C4BPB: variants seen among roughly 807,000 people sequenced by gnomAD.
C4BPB encodes C4b-binding protein beta chain.
Under a neutral mutation model 26.6 loss-of-function variants are expected in C4BPB, and 19 were observed. The ratio of observed to expected loss-of-function variants is 0.71; its 90% CI spans 0.50 to 1.05. C4BPB has a LOEUF of 1.05. Among genes scored for constraint, C4BPB ranks in the 50% least tolerant of loss-of-function variants. The pLI, the probability that C4BPB is intolerant of heterozygous loss-of-function variation, is 0.00. For synonymous variants in C4BPB, 118 were observed against 103.5 expected, an observed-to-expected ratio of 1.14 and a Z score of -0.85; for missense variants, 282 against 302.9, an observed-to-expected ratio of 0.93 and a Z score of 0.51.
intron 4 of C4BPB, among the ~76,000 whole-genome samples, chr1:207,092,283 T>C (rs148731147): frequency 7.2e-5 from 11 of 152,336 alleles, no homozygotes; most frequent in African/African-American, 2.6e-4. Context: ...CTTTTTCTTA[T>C]GTTTATACAG....
intron 6 of C4BPB, 47 bp downstream of exon 6, chr1:207,098,311 G>C (rs1558080409): frequency 8.5e-7 from 1 of 1,174,246 alleles, no homozygotes; most frequent in Admixed American, 1.7e-5. Context: ...GGATCTCCAG[G>C]GCCTGGCATC....
At chr1:207,090,955 A>G (rs1684001764) in intron 3 of C4BPB, among the ~76,000 whole-genome samples, 1 of 152,154 alleles carries the variant, frequency 6.6e-6, no homozygotes, top group South Asian at 2.1e-4. Context: ...TATTTCACCT[A>G]TCATATAACT....
At chr1:207,098,818 T>A (rs540031005) in intron 6 of C4BPB, among the ~76,000 whole-genome samples, 1 of 152,290 alleles carries the variant, frequency 6.6e-6, no homozygotes, top group Admixed American at 6.5e-5. Context: ...TAGATTCTCA[T>A]CTGGGAGTGT....
chr1:207,099,784 T>C lies in C4BPB; in HGVS notation c.619-5T>C, dbSNP rs754993390. The C allele has an allele frequency of 6.2e-7, 1 of 1,607,990 alleles. No homozygotes were observed. Among genetic ancestry groups the C allele is most frequent in the South Asian group, 1.1e-5 (1 of 89,722 alleles). Reference sequence around the variant, plus strand: ...TGTAACTTGTGAAAAATTTTCTTTCTTCAGCTTGCCTTTCAGGAGAGTAAG... The same window carrying C: ...TGTAACTTGTGAAAAATTTTCTTTCCTCAGCTTGCCTTTCAGGAGAGTAAG... On this transcript the variant is annotated splice_polypyrimidine_tract_variant and splice_region_variant and intron_variant, in intron 6 of 6. Coordinates refer to ENST00000367078, the MANE Select transcript of C4BPB (RefSeq NM_001017365.3).
Position 207,099,945 on chromosome 1 carries a change from G to A in C4BPB, c.*16G>A. 2 of 1,592,312 alleles carry A rather than the reference G, an allele frequency of 1.3e-6. No individual in the cohort carries two copies. Among genetic ancestry groups the A allele is most frequent in the Non-Finnish European group, 1.7e-6 (2 of 1,172,086 alleles). On this transcript the variant is annotated 3_prime_UTR_variant, in exon 7 of 7. Transcript: ENST00000367078. ...ATTGTTGTAACACTACAGCTGAGCAGATGTAATAGAAATAAACCTATGAAT... is the reference window on the plus strand; with the variant it reads ...ATTGTTGTAACACTACAGCTGAGCAAATGTAATAGAAATAAACCTATGAAT...
Position 207,089,568 on chromosome 1 carries a change from T to C in C4BPB, c.37T>C (p.Trp13Arg). 2 of 1,614,150 alleles carry C rather than the reference T, an allele frequency of 1.2e-6. No homozygotes were observed. Among genetic ancestry groups the C allele is most frequent in the East Asian group, 2.2e-5 (1 of 44,884 alleles). ...GTGTGCGTGCTGTCTTATGGTTGCG[T>C]GGCGAGTTTCTGCTTCAGATGGTAC... ...FWCACCLMVA[W>R]RVSASDAEHC... Residue 13 changes from tryptophan to arginine, a missense_variant, in exon 2 of 7, where the codon TGG (tryptophan) becomes CGG (arginine). Transcript: ENST00000367078.
In C4BPB at chr1:207,096,567, G is replaced by A. The variant is rs867609036; in HGVS notation, c.455G>A (p.Gly152Glu). Residue 152 changes from glycine (G) to glutamate (E), a missense_variant, in exon 5 of 7, where the codon GGA (glycine) becomes GAA (glutamate). Coordinates refer to ENST00000367078, the MANE Select transcript of C4BPB (RefSeq NM_001017365.3). ...AATCCAGTTCATGGCTATTTTGAAG[G>A]AAATAACTTCACCTTAGGATCCACC... ...PGNPVHGYFE[G>E]NNFTLGSTIS... is the part of the protein sequence containing the mutation. The A allele has an allele frequency of 1.2e-6, 2 of 1,610,352 alleles. No homozygotes were observed. The highest frequency in any genetic ancestry group is 1.7e-6 in the Non-Finnish European group (2 of 1,177,146).
chr1:207,097,917 C>G lies in C4BPB; in HGVS notation c.504-233C>G, dbSNP rs2102315794. ...ACACCTGATTCAGAATTTCTCACTTCTCTATGTTTTATGGGTTGACTCATC... is the reference window on the plus strand; with the variant it reads ...ACACCTGATTCAGAATTTCTCACTTGTCTATGTTTTATGGGTTGACTCATC... On this transcript the variant is annotated intron_variant, in intron 5 of 6. Coordinates refer to ENST00000367078, the MANE Select transcript of C4BPB (RefSeq NM_001017365.3). The G allele has an allele frequency of 9.9e-6, 4 of 404,912 alleles. No individual in the cohort carries two copies. In the East Asian group the frequency reaches 1.8e-4, roughly 18 times the overall value. The allele number at this position is 404,912 out of a possible 1,614,324, so 25.1% of individuals were successfully genotyped here.
intron 4 of C4BPB, 172 bp downstream of exon 4, chr1:207,091,992 A>T: frequency 1.7e-6 from 1 of 578,780 alleles, no homozygotes; most frequent in Non-Finnish European, 3.0e-6. Flanking sequence ...TCTCACCTCA[A>T]GAGAATACAT....
intron 4 of C4BPB, among the ~76,000 whole-genome samples, chr1:207,094,165 A>C (rs1462062444): frequency 1.3e-5 from 2 of 152,184 alleles, no homozygotes; most frequent in African/African-American, 4.8e-5. Context: ...ATTTGGATGT[A>C]TTTTGGCAGT....
At position 207,091,721 on chromosome 1, in the gene C4BPB, A is replaced by G; in HGVS notation, c.310A>G (p.Thr104Ala). 1 of 1,613,998 alleles carries G rather than the reference A, an allele frequency of 6.2e-7. No homozygotes were observed. Among genetic ancestry groups the G allele is most frequent in the African/African-American group, 1.3e-5 (1 of 74,996 alleles). Reference protein sequence around the residue: ...SGPVNVSDKITFMCNDHYILK... With the variant: ...SGPVNVSDKIAFMCNDHYILK... ...GCCTGTGAATGTAAGTGACAAAATC[A>G]CGTTTATGTGCAATGACCACTACAT... Residue 104 changes from threonine (T) to alanine (A), a missense_variant, in exon 4 of 7, where the codon ACG becomes GCG. Thr to Ala is a moderately conservative substitution (Grantham distance 58). Coordinates refer to ENST00000367078, the MANE Select transcript of C4BPB (RefSeq NM_001017365.3).
chr1:207,099,928 A>T lies in C4BPB; in HGVS notation c.758A>T (p.Ter253LeuextTer4). The change falls in exon 7 of 7, where the codon TAA (stop) becomes TTA (leucine). Residue 253 changes from the stop codon to leucine, a stop_lost. Transcript: ENST00000367078. Reference protein sequence around the residue: ...KKAELKAKLL* With the variant: ...KKAELKAKLLL ...GCTGAGTTGAAGGCAAAATTGTTGT[A>T]ACACTACAGCTGAGCAGATGTAATA... The T allele has an allele frequency of 6.2e-7, 1 of 1,612,472 alleles. No homozygotes were observed. Among genetic ancestry groups the T allele is most frequent in the South Asian group, 1.1e-5 (1 of 90,768 alleles).
intron 4 of C4BPB, chr1:207,095,504 T>C (rs1005836552): frequency 2.1e-5 from 9 of 434,030 alleles, no homozygotes; most frequent in South Asian, 1.5e-4. Context: ...AATTTTTGTA[T>C]TTTTAGTAGA....
chr1:207,091,654 TC>T lies in C4BPB; in HGVS notation c.245del (p.Pro82LeufsTer6), dbSNP rs1684031010. On this transcript the variant is annotated frameshift_variant, in exon 4 of 7. Coordinates refer to ENST00000367078, the MANE Select transcript of C4BPB (RefSeq NM_001017365.3). LOFTEE classifies it high-confidence loss of function. Reference sequence around the variant, plus strand: ...TATTTTCTTCTTCAGTGGGCCACTGTCCTGATCCTGTGCTGGTGAATGGAGA... The same window carrying T: ...TATTTTCTTCTTCAGTGGGCCACTGTCTGATCCTGTGCTGGTGAATGGAGA... ...TTTECRLGHCPDPVLVNGEFS... is the reference protein window; with the variant it reads ...TTTECRLGHCXDPVLVNGEFS... 1 of 1,613,502 alleles carries T rather than the reference TC, an allele frequency of 6.2e-7. No homozygotes were observed. The highest frequency in any genetic ancestry group is 1.3e-5 in the African/African-American group (1 of 74,932).
At chr1:207,089,958 T>C (rs945974872) in intron 2 of C4BPB, among the ~76,000 whole-genome samples, 1 of 152,192 alleles carries the variant, frequency 6.6e-6, no homozygotes, top group Non-Finnish European at 1.5e-5. Context: ...AAAATTCCTG[T>C]TATACTTTTG....
At chr1:207,096,651 C>A (rs1684262362) in intron 5 of C4BPB, 36 bp downstream of exon 5, 4 of 1,205,870 alleles carry the variant, frequency 3.3e-6, no homozygotes, top group Admixed American at 3.7e-5. Flanking sequence ...CCAGATCTTG[C>A]CCCTTGGCAG....
intron 5 of C4BPB, 52 bp downstream of exon 5, chr1:207,096,667 T>C (rs747079318): frequency 4.6e-5 from 46 of 1,007,026 alleles, no homozygotes; most frequent in Middle Eastern, 2.1e-4. Context: ...GGCAGCATTG[T>C]TTTGGGGAAT....
At chr1:207,093,127 A>C (rs1306536410) in intron 4 of C4BPB, among the ~76,000 whole-genome samples, 3 of 152,232 alleles carry the variant, frequency 2.0e-5, no homozygotes, top group Admixed American at 6.5e-5. Flanking sequence ...TGTAAAAATA[A>C]TTCGATTCAC....
intron 4 of C4BPB, among the ~76,000 whole-genome samples, chr1:207,094,522 T>A (rs925142605): frequency 1.1e-4 from 16 of 152,254 alleles, no homozygotes; most frequent in Non-Finnish European, 1.8e-4. Context: ...TTTTCTGGTT[T>A]ACTCTCTTTT....
Sources: gnomAD v4.1 joint callset for allele counts (sites outside exome capture counted in the v4.1 genomes callset) on GRCh38, gnomAD v4.1.1 for gene constraint, MANE v1.5 for transcripts, NCBI Gene and HGNC (gene_info 2026-07-23, HGNC 2026-07-21) for gene names.